GRIN2A: variants seen among roughly 807,000 people sequenced by gnomAD.
GRIN2A encodes glutamate ionotropic receptor NMDA type subunit 2A, also known as glutamate receptor ionotropic, NMDA 2A.
GRIN2A carries 22 observed loss-of-function variants against 113.4 expected under a neutral mutation model. The ratio of observed to expected loss-of-function variants is 0.19; its 90% confidence interval spans 0.14 to 0.28. The LOEUF (loss-of-function observed/expected upper bound fraction) is 0.28. Among genes scored for constraint, GRIN2A ranks in the 10% least tolerant of loss-of-function variants. GRIN2A has a pLI of 1.00. For synonymous variants in GRIN2A, 827 were observed against 738.4 expected, an observed-to-expected ratio of 1.12 and a Z score of -1.94; for missense variants, 1,502 against 1,887.0, an observed-to-expected ratio of 0.80 and a Z score of 3.78.
At chr16:10,155,736 G>A (rs1178183199) in intron 2 of GRIN2A, among the ~76,000 whole-genome samples, 3 of 152,138 alleles carry the variant, frequency 2.0e-5, no homozygotes, top group Admixed American at 6.5e-5. Flanking sequence ...GAAGGCAAAT[G>A]AGAAGCAAGG....
intron 2 of GRIN2A, among the ~76,000 whole-genome samples, chr16:10,038,841 CCTT>C (rs1258817322): frequency 8.7e-5 from 12 of 138,044 alleles, no homozygotes; most frequent in African/African-American, 2.7e-4. Context: ...GAATGAGACT[CCTT>C]CTCAAAAAAA....
At chr16:10,114,075 C>A (rs970795246) in intron 2 of GRIN2A, among the ~76,000 whole-genome samples, 1 of 151,978 alleles carries the variant, frequency 6.6e-6, no homozygotes, top group African/African-American at 2.4e-5. Context: ...GCCTGTAGTG[C>A]CAGCTACTCT....
chr16:10,113,797 T>C (rs905087776), intron 2 of GRIN2A, among the ~76,000 whole-genome samples: 3 of 152,244 alleles, frequency 2.0e-5, no homozygotes, highest in African/African-American at 4.8e-5. Flanking sequence ...TATTGTTTAA[T>C]ATGTGTGACA....
At chr16:9,966,215 C>G (rs1213338720) in intron 2 of GRIN2A, among the ~76,000 whole-genome samples, 2 of 152,114 alleles carry the variant, frequency 1.3e-5, no homozygotes, top group Non-Finnish European at 2.9e-5. Context: ...ATTTCATCAC[C>G]CAGGTATTAA....
At chr16:9,940,074 G>GTGTC in intron 2 of GRIN2A, among the ~76,000 whole-genome samples, 1 of 152,036 alleles carries the variant, frequency 6.6e-6, no homozygotes, top group African/African-American at 2.4e-5. Flanking sequence ...GTGTGTGTGT[G>GTGTC]TGTGTGTGTG....
chr16:9,810,929 C>A (rs1250932689), intron 10 of GRIN2A, among the ~76,000 whole-genome samples: 1 of 152,174 alleles, frequency 6.6e-6, no homozygotes, highest in African/African-American at 2.4e-5. Context: ...TGGCCCCGGG[C>A]ACTTTCCATG....
intron 3 of GRIN2A, among the ~76,000 whole-genome samples, chr16:9,912,173 T>A (rs2044155099): frequency 6.6e-6 from 1 of 151,368 alleles, no homozygotes; most frequent in Non-Finnish European, 1.5e-5. Flanking sequence ...AGAAGAAGAA[T>A]GGGGAAAAAA....
intron 2 of GRIN2A, among the ~76,000 whole-genome samples, chr16:10,147,809 C>G (rs527780564): frequency 6.6e-6 from 1 of 152,262 alleles, no homozygotes; most frequent in Admixed American, 6.5e-5. Flanking sequence ...TCTCTCTGTT[C>G]CCTTTTATAG....
chr16:9,816,299 G>GA (rs2042184373), intron 10 of GRIN2A, among the ~76,000 whole-genome samples: 1 of 152,082 alleles, frequency 6.6e-6, no homozygotes, highest in Non-Finnish European at 1.5e-5. Context: ...AAAATACTGG[G>GA]AAAAAAGACA....
chr16:10,107,629 G>A (rs1375079), intron 2 of GRIN2A, among the ~76,000 whole-genome samples: 41,153 of 152,090 alleles, frequency 0.27, 5,794 homozygotes, highest in East Asian at 0.45. Flanking sequence ...TTCTGCTGGG[G>A]TTTGCAAGAT....
At chr16:10,004,206 T>C (rs1288117566) in intron 2 of GRIN2A, among the ~76,000 whole-genome samples, 1 of 151,946 alleles carries the variant, frequency 6.6e-6, no homozygotes, top group Non-Finnish European at 1.5e-5. Flanking sequence ...CTGGCCAATA[T>C]GGTGAAACCC....
At chr16:10,077,758 G>A (rs2047902722) in intron 2 of GRIN2A, among the ~76,000 whole-genome samples, 1 of 152,074 alleles carries the variant, frequency 6.6e-6, no homozygotes, top group Admixed American at 6.6e-5. Context: ...CCCACCTCAG[G>A]GCCTTTGCAT....
chr16:9,819,921 CAAAAAAAAAAA>C (rs71157787), intron 10 of GRIN2A, among the ~76,000 whole-genome samples: 1 of 63,652 alleles, frequency 1.6e-5, no homozygotes, highest in African/African-American at 5.5e-5. Flanking sequence ...AACTCCGTCT[CAAAAAAAAAAA>C]AAAAAAAAAA....
Position 9,761,071 on chromosome 16 carries a change from T to A in GRIN2A, c.*2078A>T, listed in dbSNP as rs1596371789. On this transcript the variant is annotated 3_prime_UTR_variant, in exon 13 of 13. Coordinates refer to ENST00000330684, the MANE Select transcript of GRIN2A (RefSeq NM_001134407.3). ...GCATCCCCAGCACCTAGTCAGCCCC[T>A]TCTGCCTTTCAAAAATGAAAGGAAG... is the stretch of plus-strand genomic sequence containing the variant. The A allele has an allele frequency of 8.6e-6, 2 of 232,916 alleles. No homozygotes were observed. The highest frequency in any genetic ancestry group is 1.2e-4 in the East Asian group (2 of 16,536). 14.4% of individuals were successfully genotyped at this position (232,916 alleles called of 1,614,324 possible).
At chr16:10,099,485 C>CCT (rs2048353166) in intron 2 of GRIN2A, among the ~76,000 whole-genome samples, 1 of 151,992 alleles carries the variant, frequency 6.6e-6, no homozygotes, top group Non-Finnish European at 1.5e-5. Flanking sequence ...CCTTGCACCC[C>CCT]CTTCCTCAGC....
chr16:10,078,606 C>A (rs2047920677), intron 2 of GRIN2A, among the ~76,000 whole-genome samples: 1 of 152,194 alleles, frequency 6.6e-6, no homozygotes, highest in South Asian at 2.1e-4. Flanking sequence ...GTCATGTCCC[C>A]ATGGAGAATG....
At chr16:10,040,574 A>T (rs1596454347) in intron 2 of GRIN2A, among the ~76,000 whole-genome samples, 3 of 22,830 alleles carry the variant, frequency 1.3e-4, no homozygotes, top group Admixed American at 9.2e-4. Context: ...CCACATATTC[A>T]CACACACACA....
intron 11 of GRIN2A, among the ~76,000 whole-genome samples, chr16:9,787,740 T>C (rs1299111304): frequency 2.0e-5 from 3 of 152,262 alleles, no homozygotes; most frequent in Non-Finnish European, 2.9e-5. Flanking sequence ...ATGGTAGCTG[T>C]TGAACTACTT....
chr16:10,095,540 G>A (rs2142094007), intron 2 of GRIN2A, among the ~76,000 whole-genome samples: 1 of 152,274 alleles, frequency 6.6e-6, no homozygotes, highest in South Asian at 2.1e-4. Flanking sequence ...AACATCAATG[G>A]ATGCTAAAGC....
Sources: allele counts gnomAD v4.1 joint callset (sites outside exome capture counted in the v4.1 genomes callset), GRCh38; gene constraint gnomAD v4.1.1; transcripts MANE v1.5; gene names NCBI Gene and HGNC (gene_info 2026-07-23, HGNC 2026-07-21).